WWOX: variants seen among roughly 807,000 people sequenced by gnomAD.
WWOX encodes the protein WW domain containing oxidoreductase.
In WWOX, 69 loss-of-function variants were observed where a neutral mutation model predicts 46.2. The observed-to-expected ratio is 1.49, with a 90% CI of 1.23 to 1.82. WWOX has a LOEUF of 1.82. Ranked by LOEUF, WWOX falls within the 40% of genes most tolerant of loss-of-function variation. WWOX has a pLI of 0.00. For missense variants in WWOX, 919 were observed against 542.6 expected (o/e 1.69, Z -6.89); for synonymous variants, 359 against 202.6 (o/e 1.77, Z -6.56).
chr16:79,072,188 A>C (rs1379874748), intron 8 of WWOX, among the ~76,000 whole-genome samples: 1 of 152,128 alleles, frequency 6.6e-6, no homozygotes, highest in African/African-American at 2.4e-5. Flanking sequence ...CAGGAAGCTG[A>C]GATGGGAGGA....
intron 8 of WWOX, among the ~76,000 whole-genome samples, chr16:79,108,814 C>G (rs1044142746): frequency 6.6e-6 from 1 of 151,892 alleles, no homozygotes. Context: ...GGCCTGAGGA[C>G]TGCTTGAGTC....
chr16:79,204,173 G>T (rs2051433076), intron 8 of WWOX: 1 of 152,102 alleles, frequency 6.6e-6, no homozygotes, highest in Non-Finnish European at 1.5e-5. Context: ...TATTCATAAA[G>T]AAACTGTACT....
chr16:79,125,014 A>C lies in WWOX; in HGVS notation c.1057-86594A>C, dbSNP rs532013580. On this transcript the variant is annotated intron_variant, in intron 8 of 8. Transcript: ENST00000566780. ...TGTTACACAGCTGGGATTATAATCC[A>C]TGCCTGTCTGACTCTGAAACCTATT... 2.0e-5 allele frequency among the ~76,000 whole-genome samples: 3 copies of C among 151,202 alleles called. No homozygotes were observed. In the South Asian group the frequency reaches 6.3e-4, roughly 32 times the overall value.
intron 5 of WWOX, among the ~76,000 whole-genome samples, chr16:78,263,559 T>C (rs1170982453): frequency 2.0e-5 from 3 of 152,138 alleles, no homozygotes; most frequent in African/African-American, 7.2e-5. Context: ...TGCAGTTGAT[T>C]TGTTACTTAC....
At chr16:78,234,211 C>G (rs768684018) in intron 5 of WWOX, among the ~76,000 whole-genome samples, 21 of 151,978 alleles carry the variant, frequency 1.4e-4, no homozygotes, top group South Asian at 4.2e-4. Flanking sequence ...TAATATACAG[C>G]CTTTATAAAT....
chr16:79,211,568 T>G, intron 8 of WWOX, 40 bp from the exon 9 acceptor site: 2 of 1,613,260 alleles, frequency 1.2e-6, no homozygotes, highest in Non-Finnish European at 1.7e-6. Context: ...ATCACTCCTT[T>G]TCTTAAAATT....
At chr16:78,151,290 T>C (rs1567600546) in intron 4 of WWOX, among the ~76,000 whole-genome samples, 2 of 152,270 alleles carry the variant, frequency 1.3e-5, no homozygotes, top group South Asian at 4.1e-4. Context: ...TGTGGTAGTG[T>C]GGGGGGCCTG....
rs73579374 is a variant in WWOX at position 78,874,920 on chromosome 16, C to A, written c.1057-336688C>A. On this transcript the variant is annotated intron_variant, in intron 8 of 8. Transcript: ENST00000566780. ...CTCCCCTTCAAGCATAGAGACACAA[C>A]CCTGTGAAAACATGCATTGGAACCA... is the stretch of plus-strand genomic sequence containing the variant. Among the ~76,000 whole-genome samples the A allele has an allele frequency of 5.3e-3, 801 of 152,208 alleles. 8 individuals are homozygous for A. The highest frequency in any genetic ancestry group is 0.018 in the African/African-American group (753 of 41,528).
chr16:78,454,690 A>G (rs1440886945), intron 8 of WWOX, among the ~76,000 whole-genome samples: 1 of 151,764 alleles, frequency 6.6e-6, no homozygotes, highest in African/African-American at 2.4e-5. Context: ...TTGTATTTTT[A>G]GCAAGGTTGT....
chr16:78,925,081 G>A (rs2045468154), intron 8 of WWOX, among the ~76,000 whole-genome samples: 2 of 152,182 alleles, frequency 1.3e-5, no homozygotes, highest in Non-Finnish European at 1.5e-5. Flanking sequence ...TGTAGTCCCA[G>A]TTACTGGGGA....
At chr16:78,201,169 G>C (rs1363603013) in intron 5 of WWOX, among the ~76,000 whole-genome samples, 1 of 152,170 alleles carries the variant, frequency 6.6e-6, no homozygotes, top group African/African-American at 2.4e-5. Flanking sequence ...CATTAATGTG[G>C]CAGTGTATTC....
At position 78,247,273 on chromosome 16, in the gene WWOX, G is replaced by T. The variant is rs191026693; in HGVS notation, c.516+82984G>T. 6.0e-4 allele frequency among the ~76,000 whole-genome samples: 91 copies of T among 152,246 alleles called. 1 individual carries two copies. The highest frequency in any genetic ancestry group is 1.8e-3 in the African/African-American group (74 of 41,532). On this transcript the variant is annotated intron_variant, in intron 5 of 8. Transcript: ENST00000566780. ...ACATTGTTTGGAATCACCAAGCATG[G>T]TGATGATAAAAAGCAGTTAAACTTT... is the stretch of plus-strand genomic sequence containing the variant.
chr16:78,141,357 A>C (rs1316894116), intron 4 of WWOX, among the ~76,000 whole-genome samples: 1 of 151,732 alleles, frequency 6.6e-6, no homozygotes, highest in East Asian at 1.9e-4. Flanking sequence ...AAGGGAACAA[A>C]TAGTGTTTTC....
chr16:78,322,962 C>T (rs182544732), intron 5 of WWOX, among the ~76,000 whole-genome samples: 71 of 152,286 alleles, frequency 4.7e-4, no homozygotes, highest in African/African-American at 1.5e-3. Flanking sequence ...TTTACAAGCC[C>T]TACAAACACT....
chr16:78,268,933 T>C (rs749900120), intron 5 of WWOX, among the ~76,000 whole-genome samples: 1 of 152,186 alleles, frequency 6.6e-6, no homozygotes, highest in Non-Finnish European at 1.5e-5. Context: ...GAGGCAACCA[T>C]GATTAGTATT....
intron 8 of WWOX, among the ~76,000 whole-genome samples, chr16:78,697,580 A>C (rs1334860417): frequency 6.6e-6 from 1 of 152,154 alleles, no homozygotes; most frequent in Non-Finnish European, 1.5e-5. Flanking sequence ...TCCCATCAAA[A>C]AGTGGGCTAA....
At chr16:78,412,015 G>A (rs1195785589) in intron 6 of WWOX, among the ~76,000 whole-genome samples, 1 of 152,192 alleles carries the variant, frequency 6.6e-6, no homozygotes, top group African/African-American at 2.4e-5. Context: ...ATGTGTGTGG[G>A]GGTGATGACT....
At chr16:78,855,127 A>G (rs2052537465) in intron 8 of WWOX, among the ~76,000 whole-genome samples, 1 of 152,174 alleles carries the variant, frequency 6.6e-6, no homozygotes, top group African/African-American at 2.4e-5. Flanking sequence ...GTGTGTTTAA[A>G]TCTCTTTCTG....
At chr16:79,021,579 G>C (rs937153654) in intron 8 of WWOX, among the ~76,000 whole-genome samples, 1 of 152,104 alleles carries the variant, frequency 6.6e-6, no homozygotes, top group African/African-American at 2.4e-5. Flanking sequence ...CAAAACAGTG[G>C]GTGAAAACGA....
Sources: gnomAD v4.1 joint callset for allele counts (sites outside exome capture counted in the v4.1 genomes callset) on GRCh38, gnomAD v4.1.1 for gene constraint, MANE v1.5 for transcripts, NCBI Gene and HGNC (gene_info 2026-07-23, HGNC 2026-07-21) for gene names.